Variants in MTA3 observed in about 807,000 individuals in gnomAD.
The protein encoded by MTA3 is metastasis associated 1 family member 3.
A neutral mutation model predicts 83.5 loss-of-function variants in MTA3; 34 were observed. That is an observed-to-expected ratio of 0.41 (90% confidence interval 0.31 to 0.54). MTA3 has a LOEUF of 0.54. MTA3 is among the 20% of genes least tolerant of loss of function. MTA3 has a pLI of 0.33. For missense variants in MTA3, 761 were observed against 726.4 expected (o/e 1.05, Z -0.55); for synonymous variants, 303 against 252.7 (o/e 1.20, Z -1.89).
intron 2 of MTA3, among the ~76,000 whole-genome samples, chr2:42,527,564 C>T (rs1296864344): frequency 6.6e-6 from 1 of 152,066 alleles, no homozygotes; most frequent in Admixed American, 6.6e-5. Context: ...GAGATGATAA[C>T]TTTAAAAAGC....
At position 42,659,743 on chromosome 2, in the gene MTA3, T is replaced by A; in HGVS notation, c.603-20T>A. ...AAACAGATACTTAATTCTTCCTTAT[T>A]GTGTTTGTGGTTTATTCAGTGCTGT... On this transcript the variant is annotated intron_variant, in intron 7 of 16. Transcript: ENST00000405094. 2 of 1,490,178 alleles carry A rather than the reference T, an allele frequency of 1.3e-6. No homozygotes were observed. The highest frequency in any genetic ancestry group is 1.8e-6 in the Non-Finnish European group (2 of 1,115,546). 92.3% of individuals were successfully genotyped at this position (1,490,178 alleles called of 1,614,324 possible).
chr2:42,720,594 G>T (rs111908229), intron 15 of MTA3, among the ~76,000 whole-genome samples: 3 of 151,980 alleles, frequency 2.0e-5, no homozygotes, highest in Non-Finnish European at 2.9e-5. Flanking sequence ...TGAAGAGTGC[G>T]GTCTGTATTC....
intron 2 of MTA3, among the ~76,000 whole-genome samples, chr2:42,525,633 T>A (rs1212043353): frequency 5.5e-5 from 8 of 145,226 alleles, no homozygotes; most frequent in East Asian, 2.0e-4. Context: ...CTACTTTCTT[T>A]CTTTCTTTCT....
At chr2:42,668,895 A>G (rs2104400652) in intron 8 of MTA3, among the ~76,000 whole-genome samples, 2 of 152,262 alleles carry the variant, frequency 1.3e-5, no homozygotes, top group Non-Finnish European at 2.9e-5. Context: ...CTTAGAAAAG[A>G]CAATTTATTT....
intron 2 of MTA3, among the ~76,000 whole-genome samples, chr2:42,508,992 A>T (rs1674775268): frequency 2.0e-5 from 3 of 151,546 alleles, no homozygotes; most frequent in Admixed American, 1.3e-4. Flanking sequence ...TCTAAAAAAT[A>T]AAGTCTATTT....
At position 42,682,473 on chromosome 2, in the gene MTA3, G is replaced by A. The variant is rs1387746859; in HGVS notation, c.775G>A (p.Gly259Arg). The A allele has an allele frequency of 1.2e-6, 2 of 1,612,200 alleles. No homozygotes were observed. The highest frequency in any genetic ancestry group is 2.2e-5 in the East Asian group (1 of 44,814). ...SSAISVLVPL[G>R]GPVLCRDEME... is the part of the protein sequence containing the mutation. ...TGCCATTAGTGTCTTAGTACCACTC[G>A]GAGGACCTGTTTTATGCAGAGATGA... Residue 259 changes from glycine to arginine, a missense_variant, in exon 9 of 17, where the codon GGA (glycine) becomes AGA (arginine). Physicochemically the swap from Gly to Arg is moderately radical, Grantham distance 125. Transcript: ENST00000405094.
At chr2:42,605,727 C>T (rs1683233767) in intron 3 of MTA3, among the ~76,000 whole-genome samples, 1 of 132,156 alleles carries the variant, frequency 7.6e-6, no homozygotes, top group Non-Finnish European at 1.6e-5. Context: ...ACCCCCCCAC[C>T]TCCCTCCTGG....
Position 42,559,909 on chromosome 2 carries a change from A to C in MTA3, c.-140-10528A>C, listed in dbSNP as rs867428457. 1.1e-4 allele frequency among the ~76,000 whole-genome samples: 17 copies of C among 152,076 alleles called. No homozygotes were observed. In the South Asian group the frequency reaches 2.7e-3, roughly 24 times the overall value. ...GCGAAACTCCATCTCAAAAAAAAAA[A>C]AAACTCCATTGGCCGTGACAGCTAC... On this transcript the variant is annotated intron_variant, in intron 2 of 17. Coordinates refer to the MTA3 transcript ENST00000405592.
intron 9 of MTA3, 84 bp downstream of exon 9, chr2:42,682,673 T>G (rs1692031895): frequency 3.2e-6 from 4 of 1,261,582 alleles, no homozygotes; most frequent in Admixed American, 2.3e-5. Context: ...CAGTATTCAT[T>G]TAGCAAGTTT....
chr2:42,498,355 G>A (rs1020410614), intron 2 of MTA3, among the ~76,000 whole-genome samples: 2 of 152,190 alleles, frequency 1.3e-5, no homozygotes, highest in Non-Finnish European at 2.9e-5. Context: ...AGACCACCAG[G>A]ATGGCTGAAT....
At chr2:42,539,942 C>G (rs763890024) in intron 2 of MTA3, among the ~76,000 whole-genome samples, 9 of 152,118 alleles carry the variant, frequency 5.9e-5, no homozygotes, top group African/African-American at 1.4e-4. Flanking sequence ...TTCCTGAGAA[C>G]ATATCTCTCT....
At chr2:42,597,375 CTTTT>C (rs35943826) in intron 3 of MTA3, among the ~76,000 whole-genome samples, 2 of 108,432 alleles carry the variant, frequency 1.8e-5, no homozygotes, top group African/African-American at 3.7e-5. Context: ...GACAAGTTAT[CTTTT>C]TTTTTTTTTT....
In MTA3 at chr2:42,720,195, T is replaced by TTATTTATTC. The variant is rs1188481586; in HGVS notation, c.1612+1122_1612+1123insATTTATTCT. Among the ~76,000 whole-genome samples the TTATTTATTC allele has an allele frequency of 5.8e-3, 879 of 151,262 alleles. 12 individuals carry two copies. The highest frequency in any genetic ancestry group is 0.02 in the African/African-American group (815 of 41,108). On this transcript the variant is annotated intron_variant, in intron 15 of 16. Coordinates refer to ENST00000405094, the MANE Select transcript of MTA3 (RefSeq NM_001330442.2). ...TATTTATTTATTTTATTTATTTATT[T>TTATTTATTC]TTTTTGAGACGGAATCTCACTCTTC...
upstream of MTA3, chr2:42,568,629 C>G (rs946448232): frequency 5.5e-5 from 32 of 579,556 alleles, no homozygotes; most frequent in East Asian, 5.8e-4. Context: ...TCCCTTCCCC[C>G]CCGTGGCGAG....
At chr2:42,658,975 A>G (rs936923368) in intron 7 of MTA3, among the ~76,000 whole-genome samples, 7 of 150,624 alleles carry the variant, frequency 4.6e-5, no homozygotes, top group African/African-American at 1.5e-4. Flanking sequence ...GTGCATGCCT[A>G]TAGTTACAGC....
chr2:42,658,336 T>C (rs1271220684), intron 7 of MTA3, among the ~76,000 whole-genome samples: 2 of 152,148 alleles, frequency 1.3e-5, no homozygotes, highest in Non-Finnish European at 2.9e-5. Context: ...GAAATGCATA[T>C]ACCTTTGCAC....
chr2:42,739,358 A>C (rs1022262608), intron 16 of MTA3, among the ~76,000 whole-genome samples: 2 of 152,216 alleles, frequency 1.3e-5, no homozygotes, highest in Non-Finnish European at 2.9e-5. Context: ...AATTATGTTT[A>C]CACTATACTG....
Position 42,659,768 on chromosome 2 carries a change from T to C in MTA3, c.608T>C (p.Val203Ala), listed in dbSNP as rs1689497840. 1 of 1,597,052 alleles carries C rather than the reference T, an allele frequency of 6.3e-7. No individual in the cohort carries two copies. The part of the protein sequence containing the change: ...IDQFLVVARA[V>A]GTFARALDCS... ...TGTGTTTGTGGTTTATTCAGTGCTG[T>C]TGGGACATTCGCCAGAGCCCTGGAT... The change falls in exon 8 of 17, where the codon GTT (valine) becomes GCT (alanine). Residue 203 changes from valine to alanine, a missense_variant. Val to Ala is a moderately conservative substitution (Grantham distance 64). Transcript: ENST00000405094.
At chr2:42,745,761 T>TA (rs1558638874) in intron 16 of MTA3, among the ~76,000 whole-genome samples, 1 of 151,888 alleles carries the variant, frequency 6.6e-6, no homozygotes, top group Non-Finnish European at 1.5e-5. Context: ...CTTCATATAT[T>TA]AAAAAATTCT....
Sources: allele counts gnomAD v4.1 joint callset (sites outside exome capture counted in the v4.1 genomes callset), GRCh38; gene constraint gnomAD v4.1.1; transcripts MANE v1.5; gene names NCBI Gene and HGNC (gene_info 2026-07-23, HGNC 2026-07-21).